Variants in SFXN3 observed in about 807,000 individuals in gnomAD.
SFXN3 encodes the protein sideroflexin-3.
Under a neutral mutation model 40.4 loss-of-function variants are expected in SFXN3, and 31 were observed. The ratio of observed to expected loss-of-function variants is 0.77; its 90% CI spans 0.58 to 1.04. The LOEUF (loss-of-function observed/expected upper bound fraction) is 1.04, where lower values mean the gene tolerates loss of function less well. Among genes scored for constraint, SFXN3 ranks in the 50% least tolerant of loss-of-function variants. The pLI is 0.00. For missense variants in SFXN3, 366 were observed against 408.2 expected, an observed-to-expected ratio of 0.90 and a Z score of 0.89; for synonymous variants, 157 against 160.0, an observed-to-expected ratio of 0.98 and a Z score of 0.14.
At chr10:101,037,556 C>T (rs1216211352) in intron 9 of SFXN3, 125 bp downstream of exon 9, 2 of 1,589,196 alleles carry the variant, frequency 1.3e-6, no homozygotes, top group African/African-American at 2.7e-5. Context: ...GACCCCTGCA[C>T]CGCCTCCTCC....
rs1938561096 is a variant in SFXN3, at chr10:101,035,672, G to T, written c.332+5G>T. The T allele has an allele frequency of 6.2e-7, 1 of 1,605,462 alleles. No individual in the cohort carries two copies. On this transcript the variant is annotated splice_donor_5th_base_variant and intron_variant, in intron 4 of 11. Coordinates refer to ENST00000393459, the Ensembl canonical transcript of SFXN3. Reference sequence around the variant, plus strand: ...CTGCATGCTCACATTCTACAGGCAGGTCTTGTCCCACGTCCCCTTCTTCAG... The same window carrying T: ...CTGCATGCTCACATTCTACAGGCAGTTCTTGTCCCACGTCCCCTTCTTCAG...
At chr10:101,032,527 T>C in intron 2 of SFXN3, 45 bp downstream of exon 2, 2 of 1,513,120 alleles carry the variant, frequency 1.3e-6, no homozygotes, top group East Asian at 2.7e-5. Context: ...GGAATGGGGG[T>C]CAGAGAAGGA....
At position 101,036,071 on chromosome 10, in the gene SFXN3, A is replaced by G. The variant is rs774639416; in HGVS notation, c.401A>G (p.Asn134Ser). The change falls in exon 5 of 12, where the codon AAC becomes AGC. Residue 134 changes from asparagine (N) to serine (S), a missense_variant. By Grantham distance (46) the Asn-to-Ser change is conservative. Transcript: ENST00000393459. This position sits in a 1 kb window ranked among gnomAD's most constrained non-coding sequence, Gnocchi z 4.2. ...TTCAATGCCATTGTTAACTACTCCA[A>G]CCGCAGTGGTGACACTCCCATCACT... The G allele has an allele frequency of 1.2e-6, 2 of 1,613,812 alleles. No homozygotes were observed. Among genetic ancestry groups the G allele is most frequent in the African/African-American group, 1.3e-5 (1 of 74,854 alleles).
At chr10:101,040,503 G>A (rs1938845656) in exon 12 of SFXN3, 1 of 152,194 alleles carries the variant, frequency 6.6e-6, no homozygotes, top group Non-Finnish European at 1.5e-5. Flanking sequence ...ACAGGTATCA[G>A]AGAGGGTGTA....
chr10:101,033,478 C>T (rs1938426080), intron 2 of SFXN3, among the ~76,000 whole-genome samples: 1 of 152,084 alleles, frequency 6.6e-6, no homozygotes, highest in African/African-American at 2.4e-5. Flanking sequence ...GGTCCCTGGG[C>T]TGGGACATTG....
chr10:101,040,586 CTTT>C (rs66614203), exon 12 of SFXN3: 27 of 143,280 alleles, frequency 1.9e-4, no homozygotes, highest in Admixed American at 3.5e-4. Flanking sequence ...GTTCCATTGA[CTTT>C]TTTTTTTTTT....
intron 3 of SFXN3, 65 bp from the exon 4 acceptor site, chr10:101,035,432 G>A: frequency 6.5e-7 from 1 of 1,529,980 alleles, no homozygotes; most frequent in Non-Finnish European, 8.8e-7. Context: ...AGCTGGGCAG[G>A]TGGGGCCTGT....
chr10:101,034,692 A>G (rs752737708), exon 3 of SFXN3: 2 of 1,613,944 alleles, frequency 1.2e-6, no homozygotes, highest in South Asian at 2.2e-5. Context: ...TGTCCTGCAG[A>G]AAATGGGTGA....
At position 101,039,433 on chromosome 10, in the gene SFXN3, G is replaced by T; in HGVS notation, c.870-56G>T. On this transcript the variant is annotated intron_variant, in intron 11 of 11. Coordinates refer to ENST00000393459, the Ensembl canonical transcript of SFXN3. This position sits in a 1 kb window ranked among gnomAD's most constrained non-coding sequence, Gnocchi z 4.6. ...GAGGAGGTGGGATGGCAATCCCTGG[G>T]CCTGAGTGGGGTTGGATTCAGGGGA... The T allele has an allele frequency of 6.6e-7, 1 of 1,514,840 alleles. No homozygotes were observed. The highest frequency in any genetic ancestry group is 9.2e-7 in the Non-Finnish European group (1 of 1,090,080). 93.8% of individuals were successfully genotyped at this position (1,514,840 alleles called of 1,614,324 possible).
chr10:101,033,311 T>C (rs936529332), intron 2 of SFXN3, among the ~76,000 whole-genome samples: 1 of 152,214 alleles, frequency 6.6e-6, no homozygotes, highest in East Asian at 1.9e-4. Context: ...TATATTCTTG[T>C]GCATCTGTAG....
chr10:101,039,717 G>T lies in SFXN3; in HGVS notation c.*132G>T. On this transcript the variant is annotated 3_prime_UTR_variant, in exon 12 of 12. Coordinates refer to ENST00000393459, the Ensembl canonical transcript of SFXN3. The surrounding 1 kb of genome is among the most constrained non-coding windows in gnomAD (Gnocchi z 4.6). ...GGTGGGCAGATGGCAATTGAGGGTAGCAACCTATTAGGGTGGGGGAGGGAC... is the reference window on the plus strand; with the variant it reads ...GGTGGGCAGATGGCAATTGAGGGTATCAACCTATTAGGGTGGGGGAGGGAC... The T allele has an allele frequency of 1.2e-6, 1 of 821,084 alleles. No individual in the cohort carries two copies. 50.9% of individuals were successfully genotyped at this position (821,084 alleles called of 1,614,324 possible). A position where few individuals can be genotyped will look rare whatever the true frequency, so the allele number is the denominator to read the frequency against.
At chr10:101,038,024 G>A (rs1185621282) in intron 9 of SFXN3, 18 of 271,170 alleles carry the variant, frequency 6.6e-5, no homozygotes, top group Non-Finnish European at 1.1e-4. Context: ...GTGCTTTGTA[G>A]GAAAGCAATG....
At chr10:101,037,469 T>C (rs777823504) in intron 9 of SFXN3, 38 bp downstream of exon 9, 2 of 1,614,180 alleles carry the variant, frequency 1.2e-6, no homozygotes, top group Admixed American at 1.7e-5. Flanking sequence ...GAATGGGCGA[T>C]GGCTGGGAGA....
In SFXN3 at chr10:101,036,990, G is replaced by A. The variant is rs1938641169; in HGVS notation, c.594-86G>A. 6.4e-7 allele frequency: 1 copy of A among 1,570,822 alleles called. No individual in the cohort carries two copies. The highest frequency in any genetic ancestry group is 8.6e-7 in the Non-Finnish European group (1 of 1,158,372). Reference sequence around the variant, plus strand: ...CAGCCTTTGAGCCTGGGGTGTGTGAGGGGACCCTGAGGAGCCGCTGCTCAT... The same window carrying A: ...CAGCCTTTGAGCCTGGGGTGTGTGAAGGGACCCTGAGGAGCCGCTGCTCAT... On this transcript the variant is annotated intron_variant, in intron 7 of 11. Coordinates refer to ENST00000393459, the Ensembl canonical transcript of SFXN3. The surrounding 1 kb of genome is among the most constrained non-coding windows in gnomAD (Gnocchi z 4.2).
Position 101,039,319 on chromosome 10 carries a change from C to A in SFXN3, c.869+97C>A. On this transcript the variant is annotated intron_variant, in intron 11 of 11. Transcript: ENST00000393459. The surrounding 1 kb of genome is among the most constrained non-coding windows in gnomAD (Gnocchi z 4.6). Reference sequence around the variant, plus strand: ...GTCTTCCAGGGTGTTCAGGAGGAGGCCTGGCAGGCACTCCACTGATTCTGG... The same window carrying A: ...GTCTTCCAGGGTGTTCAGGAGGAGGACTGGCAGGCACTCCACTGATTCTGG... 7.9e-7 allele frequency: 1 copy of A among 1,268,954 alleles called. No homozygotes were observed. Among genetic ancestry groups the A allele is most frequent in the Non-Finnish European group, 1.1e-6 (1 of 883,402 alleles). The allele number at this position is 1,268,954 out of a possible 1,614,324, so 78.6% of individuals were successfully genotyped here. A position where few individuals can be genotyped will look rare whatever the true frequency, so the allele number is the denominator to read the frequency against.
chr10:101,039,362 TGA>T lies in SFXN3; in HGVS notation c.870-125_870-124del. On this transcript the variant is annotated intron_variant, in intron 11 of 11. Transcript: ENST00000393459. The surrounding 1 kb of genome is among the most constrained non-coding windows in gnomAD (Gnocchi z 4.6). ...GATTCTGGGAGTGGGGGAATGACAGTGAGCCAGTCCTTCTGGCAGTAGAAGGA... is the reference window on the plus strand; with the variant it reads ...GATTCTGGGAGTGGGGGAATGACAGTGCCAGTCCTTCTGGCAGTAGAAGGA... 8.4e-7 allele frequency: 1 copy of T among 1,193,888 alleles called. No homozygotes were observed. Among genetic ancestry groups the T allele is most frequent in the Non-Finnish European group, 1.2e-6 (1 of 807,616 alleles). The allele number at this position is 1,193,888 out of a possible 1,614,324, so 74.0% of individuals were successfully genotyped here.
Position 101,035,863 on chromosome 10 carries a change from T to C in SFXN3, c.333-140T>C. ...TTGTATAAATGGGGGTGGGGGTACA[T>C]AGGGGTTACCAGAACAGGTTCTAGG... On this transcript the variant is annotated intron_variant, in intron 4 of 11. Transcript: ENST00000393459. The C allele has an allele frequency of 5.5e-6, 6 of 1,100,646 alleles. No individual in the cohort carries two copies. In the East Asian group the frequency reaches 7.5e-5, roughly 14 times the overall value. 68.2% of individuals were successfully genotyped at this position (1,100,646 alleles called of 1,614,324 possible).
rs377730002 is a variant in SFXN3 at position 101,031,863 on chromosome 10, G to T, written c.-173+329G>T. Among the ~76,000 whole-genome samples the T allele has an allele frequency of 7.9e-5, 12 of 152,220 alleles. No individual in the cohort carries two copies. The East Asian group carries it at 1.2e-3, about 15-fold the overall frequency. On this transcript the variant is annotated intron_variant, in intron 1 of 11. Coordinates refer to ENST00000393459, the Ensembl canonical transcript of SFXN3. ...CAGGGAGAGGGCTGGGGACATAGAA[G>T]AGGCACAGGCACGACAGGAACGGGG...
exon 12 of SFXN3, chr10:101,040,228 C>T (rs1564650902): frequency 6.5e-6 from 1 of 154,272 alleles, no homozygotes; most frequent in African/African-American, 2.4e-5. Flanking sequence ...TTCCCCTCCT[C>T]CTCTCTACCA....
Sources: gnomAD v4.1 joint callset for allele counts (sites outside exome capture counted in the v4.1 genomes callset) on GRCh38, gnomAD v4.1.1 for gene constraint, Gnocchi (gnomAD v3.1) non-coding constraint, MANE v1.5 for transcripts, NCBI Gene and HGNC (gene_info 2026-07-23, HGNC 2026-07-21) for gene names.